Variants in PLEKHA1 observed in about 807,000 individuals in gnomAD.
PLEKHA1 encodes pleckstrin homology domain-containing family A member 1.
A neutral mutation model predicts 52.0 loss-of-function variants in PLEKHA1; 34 were observed. The observed-to-expected ratio is 0.65, with a 90% confidence interval of 0.50 to 0.87. The LOEUF (loss-of-function observed/expected upper bound fraction) is 0.87, where lower values mean the gene tolerates loss of function less well. PLEKHA1 is among the 40% of genes least tolerant of loss of function. The pLI is 0.00. For missense variants in PLEKHA1, 497 were observed against 504.2 expected, an observed-to-expected ratio of 0.99 and a Z score of 0.14; for synonymous variants, 163 against 170.7, an observed-to-expected ratio of 0.95 and a Z score of 0.35.
intron 5 of PLEKHA1, 86 bp from the exon 6 acceptor site, chr10:122,412,834 G>A (rs762570317): frequency 2.1e-5 from 30 of 1,451,868 alleles, no homozygotes; most frequent in African/African-American, 9.8e-5. Context: ...GTATGCAAAC[G>A]GATGAATAAT....
chr10:122,393,474 C>T lies in PLEKHA1; in HGVS notation c.141+133C>T. On this transcript the variant is annotated intron_variant, in intron 2 of 11. Coordinates refer to ENST00000368990, the MANE Select transcript of PLEKHA1 (RefSeq NM_001001974.4). The surrounding 1 kb of genome is among the most constrained non-coding windows in gnomAD (Gnocchi z 4.5). ...GATTTATTTCTACTGGCTGTCCTCT[C>T]TGCCCTGCACCCCTGACCTCTACTG... 1 of 790,440 alleles carries T rather than the reference C, an allele frequency of 1.3e-6. No individual in the cohort carries two copies. The highest frequency in any genetic ancestry group is 1.8e-6 in the Non-Finnish European group (1 of 555,480). The allele number at this position is 790,440 out of a possible 1,614,324, so 49.0% of individuals were successfully genotyped here. A position where few individuals can be genotyped will look rare whatever the true frequency, so the allele number is the denominator to read the frequency against.
chr10:122,380,377 T>C (rs9887977), intron 1 of PLEKHA1, among the ~76,000 whole-genome samples: 2 of 152,166 alleles, frequency 1.3e-5, no homozygotes, highest in Non-Finnish European at 2.9e-5. Context: ...AAGTAAACTG[T>C]ATCATTCATT....
At chr10:122,418,104 G>T in intron 8 of PLEKHA1, 136 bp downstream of exon 8, 2 of 558,836 alleles carry the variant, frequency 3.6e-6, no homozygotes, top group African/African-American at 1.9e-5. Context: ...AGTTTATTTG[G>T]TTGTGATGCT....
intron 1 of PLEKHA1, chr10:122,387,524 A>G (rs534982725): frequency 1.1e-4 from 16 of 152,298 alleles, no homozygotes; most frequent in South Asian, 8.3e-4. Flanking sequence ...AATGCTCTGT[A>G]TATTGTATTT....
At position 122,374,787 on chromosome 10, in the gene PLEKHA1, T is replaced by A. The variant is rs2096496122; in HGVS notation, c.-40T>A. 6.7e-6 allele frequency: 1 copy of A among 150,368 alleles called. No homozygotes were observed. Among genetic ancestry groups the A allele is most frequent in the Non-Finnish European group, 1.5e-5 (1 of 67,502 alleles). The allele number at this position is 150,368 out of a possible 1,614,324, so 9.3% of individuals were successfully genotyped here. On this transcript the variant is annotated 5_prime_UTR_variant, in exon 1 of 12. Transcript: ENST00000368990. ...GGAGCCGGGGCCGCGGCGGCGCGGGTGCTCCGGGCCGAGGCCGCGGTAAAG... is the reference window on the plus strand; with the variant it reads ...GGAGCCGGGGCCGCGGCGGCGCGGGAGCTCCGGGCCGAGGCCGCGGTAAAG...
At chr10:122,422,363 G>A (rs2097272414) in intron 8 of PLEKHA1, 1 of 152,138 alleles carries the variant, frequency 6.6e-6, no homozygotes, top group Non-Finnish European at 1.5e-5. Context: ...AGTGACAAAG[G>A]GAAAAAGTAA....
At chr10:122,387,004 C>G (rs1044314751) in intron 1 of PLEKHA1, 6 of 152,072 alleles carry the variant, frequency 3.9e-5, no homozygotes, top group African/African-American at 1.4e-4. Flanking sequence ...ATTCTTATTA[C>G]CCACTTAATG....
chr10:122,413,164 T>A, intron 6 of PLEKHA1, 119 bp downstream of exon 6: 1 of 877,112 alleles, frequency 1.1e-6, no homozygotes, highest in South Asian at 4.6e-5. Context: ...TACTATAAAA[T>A]ATTTTTGTTT....
chr10:122,417,763 G>T (rs566251020), intron 7 of PLEKHA1, 137 bp from the exon 8 acceptor site: 3 of 567,628 alleles, frequency 5.3e-6, no homozygotes, highest in East Asian at 5.8e-5. Flanking sequence ...TTAATTTATC[G>T]CATCTCTAAG....
chr10:122,429,245 C>T (rs1487241914), intron 11 of PLEKHA1, among the ~76,000 whole-genome samples: 1 of 152,102 alleles, frequency 6.6e-6, no homozygotes, highest in African/African-American at 2.4e-5. Flanking sequence ...AGAATATACT[C>T]TTAAATAAAA....
chr10:122,416,398 A>G (rs931487146), intron 7 of PLEKHA1, among the ~76,000 whole-genome samples: 1 of 152,198 alleles, frequency 6.6e-6, no homozygotes, highest in Admixed American at 6.5e-5. Flanking sequence ...TTGTTTAGGC[A>G]TTGGCCTGAC....
chr10:122,382,250 A>G (rs2096625282), intron 1 of PLEKHA1, among the ~76,000 whole-genome samples: 1 of 152,108 alleles, frequency 6.6e-6, no homozygotes, highest in Admixed American at 6.6e-5. Flanking sequence ...CCCCAAAGAA[A>G]CCCTGTACCC....
intron 3 of PLEKHA1, 44 bp downstream of exon 3, chr10:122,398,018 C>T (rs1431997780): frequency 3.4e-6 from 5 of 1,485,682 alleles, no homozygotes; most frequent in African/African-American, 1.4e-5. Flanking sequence ...ATTAAAATCC[C>T]TGTGAATGAG....
chr10:122,422,152 G>C (rs540000894), intron 8 of PLEKHA1: 1 of 152,160 alleles, frequency 6.6e-6, no homozygotes, highest in Non-Finnish European at 1.5e-5. Flanking sequence ...AATAAATGGA[G>C]AAGGAAAAAT....
intron 6 of PLEKHA1, among the ~76,000 whole-genome samples, chr10:122,413,610 T>TG (rs1452105958): frequency 2.0e-5 from 3 of 152,148 alleles, no homozygotes; most frequent in African/African-American, 7.2e-5. Flanking sequence ...GACTGGAATT[T>TG]TAACTAAGTT....
intron 1 of PLEKHA1, among the ~76,000 whole-genome samples, chr10:122,382,321 A>C (rs904068862): frequency 5.9e-5 from 9 of 152,138 alleles, no homozygotes; most frequent in South Asian, 2.1e-4. Context: ...TCTACCTTCT[A>C]GCTTTATAGA....
At chr10:122,380,188 G>C (rs938887603) in intron 1 of PLEKHA1, among the ~76,000 whole-genome samples, 1 of 152,124 alleles carries the variant, frequency 6.6e-6, no homozygotes, top group African/African-American at 2.4e-5. Flanking sequence ...GAAACTTAAC[G>C]TTAATCTTTG....
intron 5 of PLEKHA1, among the ~76,000 whole-genome samples, chr10:122,409,099 C>T (rs1054283251): frequency 6.6e-6 from 1 of 152,052 alleles, no homozygotes; most frequent in South Asian, 2.1e-4. Context: ...TATCCTCTAA[C>T]GCTATAGTCT....
chr10:122,419,683 T>G (rs1446185935), intron 8 of PLEKHA1: 1 of 152,176 alleles, frequency 6.6e-6, no homozygotes, highest in Non-Finnish European at 1.5e-5. Flanking sequence ...AACAGTAGTT[T>G]TAATAATTAG....
Sources: gnomAD v4.1 joint callset for allele counts (sites outside exome capture counted in the v4.1 genomes callset) on GRCh38, gnomAD v4.1.1 for gene constraint, Gnocchi (gnomAD v3.1) non-coding constraint, MANE v1.5 for transcripts, NCBI Gene and HGNC (gene_info 2026-07-23, HGNC 2026-07-21) for gene names.